The following NKAIN3 variants were observed in gnomAD, a reference collection of about 807,000 sequenced individuals.
NKAIN3 encodes sodium/potassium transporting ATPase interacting 3.
NKAIN3 carries 25 observed loss-of-function variants against 30.2 expected under a neutral mutation model. The ratio of observed to expected loss-of-function variants is 0.83; its 90% CI spans 0.60 to 1.16. NKAIN3 has a LOEUF of 1.16. Ranked by LOEUF, NKAIN3 falls within the 50% of genes most tolerant of loss-of-function variation. NKAIN3 has a pLI of 0.00. For missense variants in NKAIN3, 225 were observed against 254.1 expected (o/e 0.89, Z 0.78); for synonymous variants, 91 against 89.6 (o/e 1.02, Z -0.09).
At chr8:62,383,184 C>T (rs1271761575) in intron 1 of NKAIN3, among the ~76,000 whole-genome samples, 1 of 152,086 alleles carries the variant, frequency 6.6e-6, no homozygotes, top group East Asian at 1.9e-4. Context: ...AAGGCAGTCC[C>T]CTACTGGCAA....
intron 4 of NKAIN3, among the ~76,000 whole-genome samples, chr8:62,874,129 A>G (rs530210259): frequency 2.0e-5 from 3 of 152,274 alleles, no homozygotes; most frequent in African/African-American, 7.2e-5. Context: ...AAATAGACAC[A>G]ATAAAAAATG....
At chr8:62,720,316 T>C (rs906610455) in intron 3 of NKAIN3, among the ~76,000 whole-genome samples, 2 of 152,174 alleles carry the variant, frequency 1.3e-5, no homozygotes, top group Non-Finnish European at 2.9e-5. Context: ...AGAAACATAT[T>C]CATTTCTAAA....
intron 3 of NKAIN3, among the ~76,000 whole-genome samples, chr8:62,734,256 C>A (rs1222889288): frequency 6.6e-6 from 1 of 152,176 alleles, no homozygotes; most frequent in Non-Finnish European, 1.5e-5. Context: ...GCACTCCAGC[C>A]TGGGTGACAG....
chr8:62,708,205 C>A (rs777170092), intron 3 of NKAIN3, among the ~76,000 whole-genome samples: 2 of 152,136 alleles, frequency 1.3e-5, no homozygotes, highest in East Asian at 1.9e-4. Flanking sequence ...TTTGGCTATG[C>A]GGGCTCTTTT....
chr8:62,930,202 C>A (rs1055918551), intron 5 of NKAIN3, among the ~76,000 whole-genome samples: 2 of 152,232 alleles, frequency 1.3e-5, no homozygotes, highest in East Asian at 1.9e-4. Flanking sequence ...CATTCAACAA[C>A]AACTTTTCAA....
chr8:62,983,264 C>T lies in NKAIN3; in HGVS notation c.*17857C>T, dbSNP rs1294072168. The T allele has an allele frequency of 6.6e-6, 1 of 152,128 alleles. No homozygotes were observed. Among genetic ancestry groups the T allele is most frequent in the Non-Finnish European group, 1.5e-5 (1 of 68,038 alleles). The allele number at this position is 152,128 out of a possible 1,614,324, so 9.4% of individuals were successfully genotyped here. A position where few individuals can be genotyped will look rare whatever the true frequency, so the allele number is the denominator to read the frequency against. On this transcript the variant is annotated 3_prime_UTR_variant, in exon 7 of 7. Transcript: ENST00000623646. ...AGCAAAAAAAACAGATTCTACCCAC[C>T]GGGAGCTCCTAGTCCAGTGGTGAAG...
At position 62,540,678 on chromosome 8, in the gene NKAIN3, G is replaced by A. The variant is rs75751480; in HGVS notation, c.55-38861G>A. Among the ~76,000 whole-genome samples the A allele has an allele frequency of 3.7e-3, 556 of 151,906 alleles. 8 individuals carry two copies. Among genetic ancestry groups the A allele is most frequent in the Admixed American group, 0.026 (403 of 15,246 alleles). On this transcript the variant is annotated intron_variant, in intron 1 of 6. Transcript: ENST00000623646. ...TAGACCTATTCTTCAGCTGTCATCCGAAGAGCTCCCTCAATCATCATTTTG... is the reference window on the plus strand; with the variant it reads ...TAGACCTATTCTTCAGCTGTCATCCAAAGAGCTCCCTCAATCATCATTTTG...
intron 1 of NKAIN3, among the ~76,000 whole-genome samples, chr8:62,422,078 G>A (rs967887503): frequency 2.6e-5 from 4 of 152,072 alleles, no homozygotes; most frequent in African/African-American, 9.7e-5. Flanking sequence ...TCTCATTCAA[G>A]TCTCATGCAG....
chr8:62,856,367 G>T (rs953924545), intron 4 of NKAIN3: 1 of 848,254 alleles, frequency 1.2e-6, no homozygotes, highest in Non-Finnish European at 2.1e-6. Context: ...TCTCCTTGGA[G>T]TGAACCTTCT....
chr8:62,846,466 T>C (rs1485012863), intron 4 of NKAIN3, among the ~76,000 whole-genome samples: 1 of 152,144 alleles, frequency 6.6e-6, no homozygotes, highest in Non-Finnish European at 1.5e-5. Flanking sequence ...TTCTTCCTGA[T>C]GTTCTCCTTC....
intron 1 of NKAIN3, among the ~76,000 whole-genome samples, chr8:62,488,275 T>A (rs1806961011): frequency 6.6e-6 from 1 of 152,130 alleles, no homozygotes; most frequent in Non-Finnish European, 1.5e-5. Context: ...AGGCTCTGCT[T>A]TACCTCAGTG....
intron 4 of NKAIN3, among the ~76,000 whole-genome samples, chr8:62,812,693 T>C (rs562566064): frequency 2.0e-5 from 3 of 151,922 alleles, no homozygotes; most frequent in Non-Finnish European, 4.4e-5. Context: ...TTCCAATTGG[T>C]ATGCTTTTTA....
At position 62,641,215 on chromosome 8, in the gene NKAIN3, A is replaced by T. The variant is rs1394920629; in HGVS notation, c.273+51421A>T. The stretch of plus-strand genomic sequence containing the variant: ...TTGATAAGCACTCTTCTAGATGATA[A>T]AAGAAGCTCCCAAATACAGTTATGT... On this transcript the variant is annotated intron_variant, in intron 3 of 6. Coordinates refer to ENST00000623646, the MANE Select transcript of NKAIN3 (RefSeq NM_001304533.3). 2.6e-5 allele frequency among the ~76,000 whole-genome samples: 4 copies of T among 152,282 alleles called. No homozygotes were observed. The East Asian group carries it at 7.7e-4, about 29-fold the overall frequency.
In NKAIN3 at chr8:62,766,429, C is replaced by G. The variant is rs1816841436; in HGVS notation, c.471+19300C>G. 1.3e-5 allele frequency among the ~76,000 whole-genome samples: 2 copies of G among 152,182 alleles called. 1 individual carries two copies. Among genetic ancestry groups the G allele is most frequent in the South Asian group, 4.1e-4 (2 of 4,834 alleles). ...ACCAGGTGTCTGCTAAACACCCCCT[C>G]TGTATTTTGATTCTCTGATAAAGAT... On this transcript the variant is annotated intron_variant, in intron 4 of 6. Coordinates refer to ENST00000623646, the MANE Select transcript of NKAIN3 (RefSeq NM_001304533.3).
intron 1 of NKAIN3, among the ~76,000 whole-genome samples, chr8:62,477,994 G>T (rs1806574892): frequency 1.3e-5 from 2 of 152,156 alleles, no homozygotes; most frequent in South Asian, 4.2e-4. Context: ...CCCAGAAAAG[G>T]CAAGCTCACT....
At chr8:62,314,611 C>G (rs1814553026) in intron 1 of NKAIN3, among the ~76,000 whole-genome samples, 1 of 152,162 alleles carries the variant, frequency 6.6e-6, no homozygotes, top group African/African-American at 2.4e-5. Context: ...ACACACTTCT[C>G]CCTGCTTGGC....
chr8:62,435,820 T>G (rs939024956), intron 1 of NKAIN3, among the ~76,000 whole-genome samples: 1 of 152,344 alleles, frequency 6.6e-6, no homozygotes, highest in South Asian at 2.1e-4. Context: ...TAAGTATTCA[T>G]AAGTTTTTTA....
intron 4 of NKAIN3, among the ~76,000 whole-genome samples, chr8:62,886,190 T>C (rs981448249): frequency 2.0e-5 from 3 of 152,090 alleles, no homozygotes; most frequent in Non-Finnish European, 4.4e-5. Context: ...CCCTAGACTT[T>C]GTAATATACA....
In NKAIN3 at chr8:62,761,211, A is replaced by G. The variant is rs186518437; in HGVS notation, c.471+14082A>G. ...AAAACTAAATGAACTAATTGTAGAG[A>G]GTCAAAAGTCAGGTGGAGGAAGGAA... On this transcript the variant is annotated intron_variant, in intron 4 of 6. Coordinates refer to ENST00000623646, the MANE Select transcript of NKAIN3 (RefSeq NM_001304533.3). Among the ~76,000 whole-genome samples the G allele has an allele frequency of 3.3e-3, 500 of 152,242 alleles. 2 individuals carry two copies. The highest frequency in any genetic ancestry group is 0.012 in the African/African-American group (481 of 41,534).
Sources: gnomAD v4.1 joint callset for allele counts (sites outside exome capture counted in the v4.1 genomes callset) on GRCh38, gnomAD v4.1.1 for gene constraint, MANE v1.5 for transcripts, NCBI Gene and HGNC (gene_info 2026-07-23, HGNC 2026-07-21) for gene names.